Variants in RALGPS1 observed in about 807,000 individuals in gnomAD.
The protein encoded by RALGPS1 is Ral GEF with PH domain and SH3 binding motif 1, also known as ras-specific guanine nucleotide-releasing factor RalGPS1.
Under a neutral mutation model 78.8 loss-of-function variants are expected in RALGPS1, and 19 were observed. The ratio of observed to expected loss-of-function variants is 0.24; its 90% CI spans 0.17 to 0.35. The LOEUF is 0.35. RALGPS1 is among the 10% of genes least tolerant of loss of function. The probability of loss-of-function intolerance (pLI) is 1.00; values close to 1 mark genes in which losing one functional copy is unlikely to be tolerated. For synonymous variants in RALGPS1, 228 were observed against 256.3 expected (o/e 0.89, Z 1.06); for missense variants, 454 against 688.3 (o/e 0.66, Z 3.81).
chr9:127,201,840 C>T (rs1382592482), intron 14 of RALGPS1, among the ~76,000 whole-genome samples: 1 of 152,240 alleles, frequency 6.6e-6, no homozygotes, highest in African/African-American at 2.4e-5. Context: ...AAAGAGCTTC[C>T]CCTCCTCGGA....
At chr9:127,029,973 G>C (rs1173803499) in intron 4 of RALGPS1, among the ~76,000 whole-genome samples, 1 of 152,204 alleles carries the variant, frequency 6.6e-6, no homozygotes, top group Non-Finnish European at 1.5e-5. Flanking sequence ...ACAGGTGGGG[G>C]TATTAAGACT....
intron 8 of RALGPS1, among the ~76,000 whole-genome samples, chr9:127,155,452 GAGAC>G (rs1169557455): frequency 6.6e-6 from 1 of 152,218 alleles, no homozygotes; most frequent in East Asian, 1.9e-4. Flanking sequence ...TCAGAGGCAT[GAGAC>G]AGAGGGCACA....
intron 4 of RALGPS1, among the ~76,000 whole-genome samples, chr9:127,013,991 C>T (rs1164590060): frequency 6.6e-6 from 1 of 152,218 alleles, no homozygotes; most frequent in Non-Finnish European, 1.5e-5. Flanking sequence ...TCTTCTCCAC[C>T]GGAAGCCAAG....
At chr9:126,955,708 G>A (rs1324303187) in intron 1 of RALGPS1, among the ~76,000 whole-genome samples, 2 of 152,204 alleles carry the variant, frequency 1.3e-5, no homozygotes, top group African/African-American at 4.8e-5. Context: ...GGCTTCACCA[G>A]ACTGCCAGAA....
At chr9:127,048,072 A>T (rs1438909156) in intron 5 of RALGPS1, among the ~76,000 whole-genome samples, 4 of 151,740 alleles carry the variant, frequency 2.6e-5, no homozygotes, top group African/African-American at 4.8e-5. Context: ...CTCATCTATC[A>T]CCCTGCTCAG....
At chr9:126,958,142 A>AATATATATATAT (rs1554765218) in intron 1 of RALGPS1, among the ~76,000 whole-genome samples, 2 of 77,078 alleles carry the variant, frequency 2.6e-5, no homozygotes, top group African/African-American at 4.1e-5. Flanking sequence ...AAAAAAAAAA[A>AATATATATATAT]ATATATATAT....
intron 11 of RALGPS1, among the ~76,000 whole-genome samples, chr9:127,194,712 C>G (rs1025468463): frequency 6.6e-6 from 1 of 152,208 alleles, no homozygotes; most frequent in Non-Finnish European, 1.5e-5. Flanking sequence ...CACACCCGGC[C>G]TAGAAGACAT....
intron 11 of RALGPS1, among the ~76,000 whole-genome samples, chr9:127,187,700 C>T (rs1164983505): frequency 2.6e-5 from 4 of 152,196 alleles, no homozygotes; most frequent in Non-Finnish European, 4.4e-5. Flanking sequence ...TGTAATCCCT[C>T]GCGCATGGCT....
intron 1 of RALGPS1, among the ~76,000 whole-genome samples, chr9:126,947,608 G>T (rs1309015648): frequency 6.6e-6 from 1 of 152,186 alleles, no homozygotes; most frequent in Non-Finnish European, 1.5e-5. Context: ...CTGGCCAAGG[G>T]CACAAAGTAA....
chr9:127,099,987 C>T (rs1423382288), intron 8 of RALGPS1, among the ~76,000 whole-genome samples: 1 of 152,166 alleles, frequency 6.6e-6, no homozygotes, highest in Admixed American at 6.5e-5. Flanking sequence ...GAAAAGAAAA[C>T]TGCAAAATCA....
intron 1 of RALGPS1, among the ~76,000 whole-genome samples, chr9:126,957,291 T>A (rs2038436112): frequency 6.6e-6 from 1 of 152,214 alleles, no homozygotes; most frequent in Non-Finnish European, 1.5e-5. Flanking sequence ...TGAAGGGCTG[T>A]GAGACTTGAG....
intron 8 of RALGPS1, among the ~76,000 whole-genome samples, chr9:127,073,365 C>G (rs2135953584): frequency 6.6e-6 from 1 of 152,252 alleles, no homozygotes; most frequent in Non-Finnish European, 1.5e-5. Context: ...GCTTATTTCA[C>G]TTAACATAGT....
At chr9:127,092,083 A>G in intron 8 of RALGPS1, 1 of 976,624 alleles carries the variant, frequency 1.0e-6, no homozygotes. Flanking sequence ...CCCCTACTCC[A>G]CCTCTTAATC....
At chr9:126,952,654 A>AGTGTGTGTGTGTGTGTGTGTGT (rs1392225698) in intron 1 of RALGPS1, among the ~76,000 whole-genome samples, 30 of 138,106 alleles carry the variant, frequency 2.2e-4, no homozygotes, top group East Asian at 4.4e-4. Context: ...AGAGAGAGAG[A>AGTGTGTGTGTGTGTGTGTGTGT]GAGTGTGTGT....
At chr9:126,978,253 G>A (rs191127958) in intron 4 of RALGPS1, 1 of 151,626 alleles carries the variant, frequency 6.6e-6, no homozygotes, top group Non-Finnish European at 1.5e-5. Flanking sequence ...CCCTAGGTGG[G>A]AGGATCGCTT....
intron 1 of RALGPS1, among the ~76,000 whole-genome samples, chr9:126,934,719 C>A (rs1053982124): frequency 5.3e-5 from 8 of 152,116 alleles, no homozygotes; most frequent in Non-Finnish European, 1.2e-4. Flanking sequence ...TTTTGCTACC[C>A]TGTCATGCTG....
intron 4 of RALGPS1, among the ~76,000 whole-genome samples, chr9:126,979,607 C>G (rs1416766137): frequency 6.6e-6 from 1 of 152,190 alleles, no homozygotes. Context: ...GCCCAGGAGA[C>G]TGGGATCCTT....
chr9:127,116,303 C>T (rs1160519018), intron 8 of RALGPS1, among the ~76,000 whole-genome samples: 2 of 151,608 alleles, frequency 1.3e-5, no homozygotes, highest in African/African-American at 4.9e-5. Context: ...TGTGGTCACA[C>T]CATGAGATCA....
chr9:126,971,006 TAA>T (rs1414706409), intron 3 of RALGPS1, among the ~76,000 whole-genome samples: 1 of 151,986 alleles, frequency 6.6e-6, no homozygotes, highest in Non-Finnish European at 1.5e-5. Context: ...AGGGAAGACT[TAA>T]AAATAAAAGA....
Sources: allele counts gnomAD v4.1 joint callset (sites outside exome capture counted in the v4.1 genomes callset), GRCh38; gene constraint gnomAD v4.1.1; transcripts MANE v1.5; gene names NCBI Gene and HGNC (gene_info 2026-07-23, HGNC 2026-07-21).